Variants in GOLGB1 observed in about 807,000 individuals in gnomAD.
GOLGB1 encodes the protein golgin B1.
Under a neutral mutation model 336.9 loss-of-function variants are expected in GOLGB1, and 174 were observed. The observed-to-expected ratio is 0.52, with a 90% confidence interval of 0.46 to 0.59. GOLGB1 has a LOEUF of 0.59. GOLGB1 is among the 20% of genes least tolerant of loss of function. The pLI, the probability that GOLGB1 is intolerant of heterozygous loss-of-function variation, is 0.00. For synonymous variants in GOLGB1, 1,208 were observed against 1,289.2 expected (o/e 0.94, Z 1.35); for missense variants, 3,331 against 3,645.3 (o/e 0.91, Z 2.22).
At position 121,698,123 on chromosome 3, in the gene GOLGB1, A is replaced by G. The variant is rs1206248139; in HGVS notation, c.2400T>C (p.Thr800=). 3 of 1,613,804 alleles carry G rather than the reference A, an allele frequency of 1.9e-6. No individual in the cohort carries two copies. The South Asian group carries it at 3.3e-5, about 18-fold the overall frequency. The part of the protein sequence containing the change: ...ESQTAHDNLL[T]EQIHSLSIEA... ...CTATGCTGAGACTATGGATCTGTTC[A>G]GTGAGCAGGTTGTCATGGGCAGTTT... Residue 800 remains threonine, a synonymous_variant, in exon 13 of 22, where the codon ACT becomes ACC. Coordinates refer to ENST00000614479, the MANE Select transcript of GOLGB1 (RefSeq NM_001366282.2).
Position 121,701,773 on chromosome 3 carries a change from GA to G in GOLGB1, c.1519+707del, listed in dbSNP as rs149270634. ...ACTAGTTTTGGGTAAAGCAAAGATG[GA>G]AAAAAAAATGGCCCCTGCCCTTGAA... is the stretch of plus-strand genomic sequence containing the variant. On this transcript the variant is annotated intron_variant, in intron 11 of 21. Coordinates refer to ENST00000614479, the MANE Select transcript of GOLGB1 (RefSeq NM_001366282.2). Among the ~76,000 whole-genome samples, 579 of 149,574 alleles carry G rather than the reference GA, an allele frequency of 3.9e-3. 3 individuals carry two copies. Among genetic ancestry groups the G allele is most frequent in the East Asian group, 0.021 (107 of 5,128 alleles).
intron 9 of GOLGB1, among the ~76,000 whole-genome samples, chr3:121,716,303 GAA>G (rs1376726317): frequency 6.6e-6 from 1 of 152,110 alleles, no homozygotes; most frequent in Non-Finnish European, 1.5e-5. Context: ...GAAATCAGGT[GAA>G]AAGAGATTTT....
Position 121,729,916 on chromosome 3 carries a change from A to G in GOLGB1, c.198T>C (p.Asp66=), listed in dbSNP as rs1384102617. The G allele has an allele frequency of 6.2e-7, 1 of 1,611,494 alleles. No individual in the cohort carries two copies. Among genetic ancestry groups the G allele is most frequent in the African/African-American group, 1.3e-5 (1 of 74,862 alleles). The change falls in exon 3 of 22, where the codon GAT becomes GAC. Residue 66 remains aspartate, a synonymous_variant. Transcript: ENST00000614479. ...YAEQLVVELK[D]IIRQKDVQLQ... ...GTTGAACATCCTTCTGTCTAATAAT[A>G]TCTTTTAGCTCCACCACCAATTGCT...
At chr3:121,744,260 G>A (rs142798732) in intron 1 of GOLGB1, among the ~76,000 whole-genome samples, 1 of 151,934 alleles carries the variant, frequency 6.6e-6, no homozygotes, top group East Asian at 1.9e-4. Flanking sequence ...ATTTTATAGA[G>A]GGAAACTGAC....
rs139019364 is a variant in GOLGB1, at chr3:121,696,124, A to T, written c.4399T>A (p.Cys1467Ser). ...ERIKQLQVEL[C>S]EMKQKPEEIG... The stretch of plus-strand genomic sequence containing the variant: ...TCTTCTGGTTTTTGCTTCATTTCAC[A>T]AAGTTCCACCTGTAGCTGCTTTATC... Residue 1467 changes from cysteine to serine, a missense_variant, in exon 13 of 22, where the codon TGT becomes AGT. Transcript: ENST00000614479. The T allele has an allele frequency of 7.1e-5, 115 of 1,614,036 alleles. No individual in the cohort carries two copies. The highest frequency in any genetic ancestry group is 1.6e-4 in the Middle Eastern group (1 of 6,062).
rs76291080 is a variant in GOLGB1, at chr3:121,730,962, G to A, written c.10C>T (p.Arg4Ter). 25 of 1,611,182 alleles carry A rather than the reference G, an allele frequency of 1.6e-5. No individual in the cohort carries two copies. The African/African-American group carries it at 2.0e-4, about 13-fold the overall frequency. ...ACAACATTTGCTAATCCTGATAATC[G>A]GCTCAGCATTTCTGTAGGAAAAGAA... MLS[R>*]LSGLANVVLH... Residue 4 changes from arginine to a stop codon, truncating the protein, a stop_gained, in exon 2 of 22, where the codon CGA (arginine) becomes TGA (stop). Coordinates refer to ENST00000614479, the MANE Select transcript of GOLGB1 (RefSeq NM_001366282.2). LOFTEE classifies it high-confidence loss of function.
At chr3:121,719,853 G>C in intron 6 of GOLGB1, 85 bp from the exon 7 acceptor site, 1 of 1,181,178 alleles carries the variant, frequency 8.5e-7, no homozygotes, top group Non-Finnish European at 1.1e-6. Flanking sequence ...TTCCAAGACA[G>C]ACACTGAGAC....
intron 2 of GOLGB1, chr3:121,730,309 A>G (rs1945992422): frequency 3.8e-6 from 1 of 262,868 alleles, no homozygotes. Context: ...TAAAAGGCCA[A>G]AAGTTAAAAT....
At chr3:121,689,416 G>A (rs1361565233) in intron 14 of GOLGB1, among the ~76,000 whole-genome samples, 10 of 151,784 alleles carry the variant, frequency 6.6e-5, no homozygotes. Context: ...TAAGGGCGGT[G>A]CAAGATGTGC....
At chr3:121,721,194 T>C (rs543130063) in intron 6 of GOLGB1, among the ~76,000 whole-genome samples, 2 of 152,230 alleles carry the variant, frequency 1.3e-5, no homozygotes, top group African/African-American at 2.4e-5. Flanking sequence ...ACTGTATACA[T>C]AGCAGTAGGC....
chr3:121,674,018 A>G (rs1006218142), intron 17 of GOLGB1, among the ~76,000 whole-genome samples: 1 of 152,166 alleles, frequency 6.6e-6, no homozygotes, highest in Non-Finnish European at 1.5e-5. Context: ...ACCATGGCTG[A>G]CTGGGATTGC....
Position 121,718,486 on chromosome 3 carries a change from G to T in GOLGB1, c.787C>A (p.Gln263Lys). Residue 263 changes from glutamine (Q) to lysine (K), a missense_variant, in exon 8 of 22, where the codon CAA becomes AAA. Coordinates refer to ENST00000614479, the MANE Select transcript of GOLGB1 (RefSeq NM_001366282.2). ...TEMQQKLRVL[Q>K]RKLEEHEESL... ...TCTTCGTGTTCCTCAAGCTTCCTTT[G>T]CAGCACCCTCAATTTCTGAGAAGAA... 6.2e-7 allele frequency: 1 copy of T among 1,611,766 alleles called. No homozygotes were observed. The highest frequency in any genetic ancestry group is 8.5e-7 in the Non-Finnish European group (1 of 1,177,928).
chr3:121,688,579 C>G (rs1942032245), intron 14 of GOLGB1, among the ~76,000 whole-genome samples: 1 of 152,190 alleles, frequency 6.6e-6, no homozygotes, highest in Admixed American at 6.5e-5. Context: ...CCCAAAGTGC[C>G]GAGAGTGCAG....
At chr3:121,722,105 ATCTCTTCT>A (rs1402396191) in intron 6 of GOLGB1, among the ~76,000 whole-genome samples, 149 bp downstream of exon 6, 3 of 152,098 alleles carry the variant, frequency 2.0e-5, no homozygotes, top group African/African-American at 7.2e-5. Flanking sequence ...ACATCTCCTA[ATCTCTTCT>A]ACTACATATC....
In GOLGB1 at chr3:121,694,229, C is replaced by T. The variant is rs771458688; in HGVS notation, c.6294G>A (p.Arg2098=). ...TCAACTTGAGATTGTCTGCTAGGAC[C>T]CTTGCTGCTTCACTTTGAGTGTCAT... is the stretch of plus-strand genomic sequence containing the variant. The part of the protein sequence containing the change: ...LLDDTQSEAA[R]VLADNLKLKK... Residue 2098 remains arginine (R), a synonymous_variant, in exon 13 of 22, where the codon AGG becomes AGA. Transcript: ENST00000614479. 8.7e-6 allele frequency: 14 copies of T among 1,611,106 alleles called. No homozygotes were observed. The highest frequency in any genetic ancestry group is 1.6e-4 in the Middle Eastern group (1 of 6,084).
At chr3:121,721,212 A>G (rs1212082838) in intron 6 of GOLGB1, among the ~76,000 whole-genome samples, 1 of 152,186 alleles carries the variant, frequency 6.6e-6, no homozygotes, top group Non-Finnish European at 1.5e-5. Flanking sequence ...GGCCAACCAC[A>G]GAGAGAAGGC....
At chr3:121,732,203 T>C (rs942912016) in intron 1 of GOLGB1, among the ~76,000 whole-genome samples, 2 of 152,248 alleles carry the variant, frequency 1.3e-5, no homozygotes, top group Admixed American at 6.5e-5. Context: ...TATACACACA[T>C]ATAAATATGA....
At chr3:121,690,207 G>C (rs1414288722) in intron 14 of GOLGB1, among the ~76,000 whole-genome samples, 1 of 152,140 alleles carries the variant, frequency 6.6e-6, no homozygotes, top group Non-Finnish European at 1.5e-5. Context: ...TTACCCATGA[G>C]ATGAACTGAG....
chr3:121,718,382 C>CAGT lies in GOLGB1; in HGVS notation c.885+3_885+5dup. On this transcript the variant is annotated splice_donor_region_variant and intron_variant, in intron 8 of 21. Coordinates refer to ENST00000614479, the MANE Select transcript of GOLGB1 (RefSeq NM_001366282.2). ...AAGGCAGGAAGTAAAGATTAAAAGG[C>CAGT]AGTACCTGGTTTCTCTGCTCAGCAG... 1 of 1,571,024 alleles carries CAGT rather than the reference C, an allele frequency of 6.4e-7. No homozygotes were observed. Among genetic ancestry groups the CAGT allele is most frequent in the Non-Finnish European group, 8.8e-7 (1 of 1,141,582 alleles).
Sources: allele counts gnomAD v4.1 joint callset (sites outside exome capture counted in the v4.1 genomes callset), GRCh38; gene constraint gnomAD v4.1.1; transcripts MANE v1.5; gene names NCBI Gene and HGNC (gene_info 2026-07-23, HGNC 2026-07-21).